The following ZFX variants were observed in gnomAD, a reference collection of about 807,000 sequenced individuals.
The protein encoded by ZFX is zinc finger protein X-linked.
For synonymous variants in ZFX, 196 were observed against 226.8 expected, an observed-to-expected ratio of 0.86 and a Z score of 1.22; for missense variants, 362 against 628.3, an observed-to-expected ratio of 0.58 and a Z score of 4.53.
At chrX:24,187,154 G>T (rs764285892) in intron 5 of ZFX, among the ~76,000 whole-genome samples, 96 of 112,040 alleles carry the variant, frequency 8.6e-4, no homozygotes, top group Non-Finnish European at 1.5e-3. Flanking sequence ...CATGCCTGTA[G>T]ATGTGCAGTG....
chrX:24,190,909 C>G (rs1037876054), intron 5 of ZFX, among the ~76,000 whole-genome samples: 1 of 111,538 alleles, frequency 9.0e-6, no homozygotes, highest in Non-Finnish European at 1.9e-5. Flanking sequence ...GCTTGACTTC[C>G]AGGGTGGTTG....
At position 24,207,838 on chromosome X, in the gene ZFX, CAGA is replaced by C. The variant is rs1937709960; in HGVS notation, c.927_929del (p.Glu309del). The C allele has an allele frequency of 8.3e-7, 1 of 1,208,397 alleles. No individual in the cohort carries two copies. Among genetic ancestry groups the C allele is most frequent in the Non-Finnish European group, 1.1e-6 (1 of 894,971 alleles). ...TATATGACTGTCAATGACTCTCAGC[CAGA>C]AGATGAAGATTTAAGTAAGTAGGTG... On this transcript the variant is annotated inframe_deletion, in exon 7 of 10. Transcript: ENST00000304543.
intron 5 of ZFX, among the ~76,000 whole-genome samples, chrX:24,189,437 A>G (rs16982910): frequency 0.038 from 4,233 of 111,933 alleles, 191 homozygotes; most frequent in African/African-American, 0.13. Flanking sequence ...TTGACCAGTC[A>G]TTCTAATATT....
At chrX:24,159,485 T>C (rs1239230055) in intron 3 of ZFX, among the ~76,000 whole-genome samples, 1 of 111,404 alleles carries the variant, frequency 9.0e-6, no homozygotes, top group Admixed American at 9.5e-5. Flanking sequence ...GTTTCTTTTC[T>C]TTTTTGGAGA....
rs1463414539 is a variant in ZFX, at chrX:24,214,231, A to T, written c.*2855A>T. The T allele has an allele frequency of 8.9e-6, 1 of 112,091 alleles. No homozygotes were observed. The highest frequency in any genetic ancestry group is 1.9e-5 in the Non-Finnish European group (1 of 53,084). 9.2% of individuals were successfully genotyped at this position (112,091 alleles called of 1,213,427 possible). ...GTACAGATTTTTACAAGGACATAAT[A>T]TAAGTTATTGTTCTGTAGAAATATC... is the stretch of plus-strand genomic sequence containing the variant. On this transcript the variant is annotated 3_prime_UTR_variant, in exon 10 of 10. Coordinates refer to ENST00000304543, the MANE Select transcript of ZFX (RefSeq NM_003410.4).
intron 3 of ZFX, among the ~76,000 whole-genome samples, chrX:24,164,177 C>CA (rs1933765403): frequency 9.0e-6 from 1 of 111,004 alleles, no homozygotes; most frequent in Non-Finnish European, 1.9e-5. Context: ...TGCTGATACT[C>CA]AACCTGGAGC....
intron 5 of ZFX, among the ~76,000 whole-genome samples, chrX:24,199,173 A>G (rs1937123224): frequency 9.0e-6 from 1 of 111,380 alleles, no homozygotes; most frequent in Non-Finnish European, 1.9e-5. Context: ...GCTGCAAGTC[A>G]CACGAGGGCT....
At chrX:24,195,002 C>G (rs1228656170) in intron 5 of ZFX, among the ~76,000 whole-genome samples, 1 of 110,971 alleles carries the variant, frequency 9.0e-6, no homozygotes, top group African/African-American at 3.3e-5. Context: ...CCCACATTGG[C>G]CTCCCAAAGT....
intron 5 of ZFX, among the ~76,000 whole-genome samples, chrX:24,180,844 T>C (rs970068087): frequency 2.2e-4 from 25 of 112,061 alleles, no homozygotes; most frequent in African/African-American, 8.1e-4. Context: ...CATATTAGGT[T>C]ATTGGAGAAA....
In ZFX at chrX:24,211,514, CTT is replaced by C; in HGVS notation, c.*145_*146del. 1.3e-6 allele frequency: 1 copy of C among 786,655 alleles called. No individual in the cohort carries two copies. Among genetic ancestry groups the C allele is most frequent in the Non-Finnish European group, 1.8e-6 (1 of 560,565 alleles). 64.8% of individuals were successfully genotyped at this position (786,655 alleles called of 1,213,427 possible). Reference sequence around the variant, plus strand: ...AAATAGAATTATTACTTCTAGTTGACTTTTTTTTAAATATACATTTTGCTCAG... The same window carrying C: ...AAATAGAATTATTACTTCTAGTTGACTTTTTTAAATATACATTTTGCTCAG... On this transcript the variant is annotated 3_prime_UTR_variant, in exon 10 of 10. Transcript: ENST00000304543.
At chrX:24,198,568 C>T (rs1339008458) in intron 5 of ZFX, among the ~76,000 whole-genome samples, 2 of 106,376 alleles carry the variant, frequency 1.9e-5, no homozygotes, top group Non-Finnish European at 3.9e-5. Context: ...ATATATTTAA[C>T]GAATGAATGT....
At chrX:24,205,121 G>C (rs1937523126) in intron 5 of ZFX, among the ~76,000 whole-genome samples, 1 of 112,081 alleles carries the variant, frequency 8.9e-6, no homozygotes, top group Non-Finnish European at 1.9e-5. Context: ...AAGGGCAAAG[G>C]GGAAATGAAA....
At chrX:24,151,231 C>T (rs1360625455) in intron 1 of ZFX, among the ~76,000 whole-genome samples, 1 of 111,875 alleles carries the variant, frequency 8.9e-6, no homozygotes, top group East Asian at 2.8e-4. Flanking sequence ...GTAATGCAGA[C>T]GGTGGCTGCA....
In ZFX at chrX:24,210,694, A is replaced by G. The variant is rs1356241795; in HGVS notation, c.1736A>G (p.Gln579Arg). 5.0e-6 allele frequency: 6 copies of G among 1,211,803 alleles called. No homozygotes were observed. In the South Asian group the frequency reaches 5.3e-5, roughly 11 times the overall value. Reference protein sequence around the residue: ...IHTGEKPYQCQYCEYRSADSS... With the variant: ...IHTGEKPYQCRYCEYRSADSS... ...ACTGGGGAGAAGCCGTACCAATGCC[A>G]GTACTGCGAATATAGGTCTGCAGAC... Residue 579 changes from glutamine to arginine, a missense_variant, in exon 10 of 10, where the codon CAG (glutamine) becomes CGG (arginine). Transcript: ENST00000304543.
intron 5 of ZFX, among the ~76,000 whole-genome samples, chrX:24,181,320 C>T (rs766097315): frequency 6.3e-5 from 7 of 111,864 alleles, no homozygotes; most frequent in Non-Finnish European, 1.3e-4. Flanking sequence ...TAAATAAATA[C>T]ATACATAAGA....
At chrX:24,172,970 C>T (rs1601851744) in intron 4 of ZFX, 170 bp downstream of exon 4, 2 of 388,295 alleles carry the variant, frequency 5.2e-6, no homozygotes, top group East Asian at 8.9e-5. Flanking sequence ...AAAGATGTGG[C>T]TCCCTCACAA....
chrX:24,168,073 A>G (rs904053069), intron 3 of ZFX, among the ~76,000 whole-genome samples: 2 of 112,303 alleles, frequency 1.8e-5, no homozygotes, highest in Non-Finnish European at 1.9e-5. Flanking sequence ...GATGGCTAAC[A>G]TTGAACAACA....
At chrX:24,186,596 C>G (rs2147781810) in intron 5 of ZFX, among the ~76,000 whole-genome samples, 1 of 110,455 alleles carries the variant, frequency 9.1e-6, no homozygotes, top group South Asian at 3.9e-4. Context: ...GTACTTCCGC[C>G]CGGGTGACAG....
chrX:24,173,561 C>T (rs969956054), intron 4 of ZFX: 5 of 1,130,739 alleles, frequency 4.4e-6, no homozygotes, highest in Non-Finnish European at 4.6e-6. Context: ...AATTATATAA[C>T]GTTGTAAAGT....
Sources: allele counts gnomAD v4.1 joint callset (sites outside exome capture counted in the v4.1 genomes callset), GRCh38; gene constraint gnomAD v4.1.1; transcripts MANE v1.5; gene names NCBI Gene and HGNC (gene_info 2026-07-23, HGNC 2026-07-21).